Variants in DAB1 observed in about 807,000 individuals in gnomAD.
The protein encoded by DAB1 is DAB adaptor protein 1, also known as disabled homolog 1.
In DAB1, 15 loss-of-function variants were observed where a neutral mutation model predicts 64.6. The ratio of observed to expected loss-of-function variants is 0.23; its 90% confidence interval spans 0.16 to 0.36. The LOEUF (loss-of-function observed/expected upper bound fraction) is 0.36, where lower values mean the gene tolerates loss of function less well. Among genes scored for constraint, DAB1 ranks in the 10% least tolerant of loss-of-function variants. The pLI, the probability that DAB1 is intolerant of heterozygous loss-of-function variation, is 1.00. For synonymous variants in DAB1, 235 were observed against 251.9 expected (o/e 0.93, Z 0.64); for missense variants, 596 against 706.7 (o/e 0.84, Z 1.78).
chr1:57,954,308 G>A (rs1272075701), intron 5 of DAB1, among the ~76,000 whole-genome samples: 1 of 152,100 alleles, frequency 6.6e-6, no homozygotes, highest in African/African-American at 2.4e-5. Context: ...CCATGGTCTG[G>A]CATAGAATGG....
chr1:58,024,689 A>G (rs531643271), intron 5 of DAB1, among the ~76,000 whole-genome samples: 3 of 152,310 alleles, frequency 2.0e-5, no homozygotes, highest in Admixed American at 1.3e-4. Flanking sequence ...GTCAAACATT[A>G]TTCTGGGTGT....
chr1:57,374,580 C>G (rs1680750390), intron 1 of DAB1, among the ~76,000 whole-genome samples: 1 of 152,082 alleles, frequency 6.6e-6, no homozygotes, highest in African/African-American at 2.4e-5. Context: ...AGTGTTTAAG[C>G]TTCAAAGAGT....
At chr1:57,257,193 C>A (rs1669829506) in intron 2 of DAB1, among the ~76,000 whole-genome samples, 1 of 152,162 alleles carries the variant, frequency 6.6e-6, no homozygotes, top group Admixed American at 6.5e-5. Flanking sequence ...AGCACACAGG[C>A]CTGCTCTAGG....
chr1:58,477,535 A>C (rs1395564416), intron 3 of DAB1, among the ~76,000 whole-genome samples: 1 of 152,088 alleles, frequency 6.6e-6, no homozygotes, highest in Non-Finnish European at 1.5e-5. Flanking sequence ...GATAGGTCCA[A>C]GCCAATCAAG....
intron 6 of DAB1, among the ~76,000 whole-genome samples, chr1:57,796,371 C>T (rs1194185003): frequency 6.6e-6 from 1 of 151,916 alleles, no homozygotes; most frequent in African/African-American, 2.4e-5. Context: ...ACTAAAAATA[C>T]AAAAAATTAG....
At chr1:58,255,225 T>C (rs537220336) in intron 4 of DAB1, among the ~76,000 whole-genome samples, 293 of 150,344 alleles carry the variant, frequency 1.9e-3, no homozygotes, top group Admixed American at 5.1e-3. Flanking sequence ...GTTCATGTCC[T>C]TCGCCCACTT....
chr1:57,422,753 G>T (rs1301918027), intron 1 of DAB1, among the ~76,000 whole-genome samples: 1 of 152,182 alleles, frequency 6.6e-6, no homozygotes. Context: ...GGAGTGAAAC[G>T]TACACAGTCT....
chr1:58,313,819 ATGTGTGTGTGTGTG>A (rs35817738), intron 4 of DAB1, among the ~76,000 whole-genome samples: 4 of 119,976 alleles, frequency 3.3e-5, no homozygotes, highest in South Asian at 6.0e-4. Flanking sequence ...TTGTATCTTC[ATGTGTGTGTGTGTG>A]TGTGTGTGTG....
chr1:57,534,825 A>G (rs115626553), intron 7 of DAB1, among the ~76,000 whole-genome samples: 1,949 of 152,248 alleles, frequency 0.013, 19 homozygotes, highest in Middle Eastern at 0.051. Context: ...AAGGCCTCTC[A>G]TTGTATTTAG....
chr1:57,430,409 T>C (rs927852408), intron 7 of DAB1, among the ~76,000 whole-genome samples: 2 of 151,064 alleles, frequency 1.3e-5, no homozygotes, highest in African/African-American at 4.9e-5. Flanking sequence ...GGAGTCTTGC[T>C]CTGTCGCCCA....
chr1:58,406,011 C>T (rs1003720276), intron 3 of DAB1, among the ~76,000 whole-genome samples: 1 of 152,182 alleles, frequency 6.6e-6, no homozygotes, highest in Admixed American at 6.5e-5. Flanking sequence ...CACTGTGCTG[C>T]GTGTTTGACA....
chr1:57,178,929 G>C (rs1445679897), intron 2 of DAB1, among the ~76,000 whole-genome samples: 2 of 152,064 alleles, frequency 1.3e-5, no homozygotes, highest in African/African-American at 4.8e-5. Flanking sequence ...AGGTGAAAAT[G>C]ATATGCAAAA....
At chr1:57,432,132 AG>A (rs1171722129) in intron 7 of DAB1, among the ~76,000 whole-genome samples, 1 of 151,982 alleles carries the variant, frequency 6.6e-6, no homozygotes, top group African/African-American at 2.4e-5. Flanking sequence ...AAAAAAAAAA[AG>A]AATGAATTTC....
At chr1:58,374,519 G>T (rs2100539672) in intron 3 of DAB1, among the ~76,000 whole-genome samples, 1 of 150,574 alleles carries the variant, frequency 6.6e-6, no homozygotes, top group East Asian at 2.0e-4. Flanking sequence ...TGAGGGCTCT[G>T]TTCTGTTCCA....
chr1:57,338,935 G>A (rs1377317146), intron 1 of DAB1, among the ~76,000 whole-genome samples: 1 of 152,096 alleles, frequency 6.6e-6, no homozygotes, highest in Non-Finnish European at 1.5e-5. Flanking sequence ...AGTCCGAAAG[G>A]CTAAGTTACT....
At chr1:57,745,442 T>C (rs1451417274) in intron 6 of DAB1, among the ~76,000 whole-genome samples, 1 of 152,238 alleles carries the variant, frequency 6.6e-6, no homozygotes, top group African/African-American at 2.4e-5. Flanking sequence ...GTGAGGATTG[T>C]TAAGTCTATA....
At chr1:57,329,808 A>G (rs1676503638) in intron 1 of DAB1, among the ~76,000 whole-genome samples, 1 of 152,214 alleles carries the variant, frequency 6.6e-6, no homozygotes, top group South Asian at 2.1e-4. Context: ...CTTTCTGAAT[A>G]GTGAAAAATC....
At chr1:57,230,465 A>G (rs1667591376) in intron 2 of DAB1, among the ~76,000 whole-genome samples, 1 of 152,190 alleles carries the variant, frequency 6.6e-6, no homozygotes. Flanking sequence ...ATAGTAACAA[A>G]CAAACATAAT....
rs532555461 is a variant in DAB1, at chr1:58,462,387, A to G, written n.257+43673T>C. Among the ~76,000 whole-genome samples, 8 of 152,144 alleles carry G rather than the reference A, an allele frequency of 5.3e-5. No individual in the cohort carries two copies. The South Asian group carries it at 1.7e-3, about 32-fold the overall frequency. On this transcript the variant is annotated intron_variant and non_coding_transcript_variant, in intron 3 of 20. Coordinates refer to the DAB1 transcript ENST00000485760. The stretch of plus-strand genomic sequence containing the variant: ...ATGATCCACCCGCCTCGGCCTCCCA[A>G]AGAAGGTTTCTTAACTAAATTCTTT...
Sources: allele counts gnomAD v4.1 joint callset (sites outside exome capture counted in the v4.1 genomes callset), GRCh38; gene constraint gnomAD v4.1.1; transcripts MANE v1.5; gene names NCBI Gene and HGNC (gene_info 2026-07-23, HGNC 2026-07-21).